The following DOCK3 variants were observed in gnomAD, a reference collection of about 807,000 sequenced individuals.
DOCK3 encodes the protein dedicator of cytokinesis 3, also known as dedicator of cytokinesis protein 3.
In DOCK3, 60 loss-of-function variants were observed where a neutral mutation model predicts 265.6. The observed-to-expected ratio is 0.23, with a 90% CI of 0.18 to 0.28. The LOEUF is 0.28. DOCK3 is among the 10% of genes least tolerant of loss of function. The pLI is 1.00. For missense variants in DOCK3, 1,981 were observed against 2,594.3 expected, an observed-to-expected ratio of 0.76 and a Z score of 5.14; for synonymous variants, 881 against 938.0, an observed-to-expected ratio of 0.94 and a Z score of 1.11.
chr3:51,317,265 C>CA lies in DOCK3; in HGVS notation c.3402+2149dup, dbSNP rs145412899. 3.7e-3 allele frequency among the ~76,000 whole-genome samples: 364 copies of CA among 98,956 alleles called. 2 individuals carry two copies. Among genetic ancestry groups the CA allele is most frequent in the South Asian group, 0.011 (33 of 3,134 alleles). 64.9% of individuals were successfully genotyped at this position (98,956 alleles called of 152,430 possible). On this transcript the variant is annotated intron_variant, in intron 32 of 52. Transcript: ENST00000266037. ...TCTGCCTTGGTCAAAAACCAATTGCCAAAAAAAAAAAAGAAAAACAAATGG... is the reference window on the plus strand; with the variant it reads ...TCTGCCTTGGTCAAAAACCAATTGCCAAAAAAAAAAAAAGAAAAACAAATGG...
intron 9 of DOCK3, among the ~76,000 whole-genome samples, chr3:51,120,285 C>T (rs985625526): frequency 2.0e-5 from 3 of 152,172 alleles, no homozygotes; most frequent in African/African-American, 7.2e-5. Context: ...GCCTGGGTAT[C>T]ACCAGTGGAG....
chr3:50,828,180 C>T (rs1011415703), intron 2 of DOCK3, among the ~76,000 whole-genome samples: 10 of 151,996 alleles, frequency 6.6e-5, no homozygotes, highest in East Asian at 1.9e-4. Context: ...CCACCCACCT[C>T]GGCCTCCCAA....
Position 51,112,398 on chromosome 3 carries a change from T to C in DOCK3, c.746+22014T>C, listed in dbSNP as rs548385011. 3.3e-5 allele frequency among the ~76,000 whole-genome samples: 5 copies of C among 152,342 alleles called. No individual in the cohort carries two copies. The East Asian group carries it at 7.7e-4, about 23-fold the overall frequency. On this transcript the variant is annotated intron_variant, in intron 9 of 52. Coordinates refer to ENST00000266037, the MANE Select transcript of DOCK3 (RefSeq NM_004947.5). Reference sequence around the variant, plus strand: ...TTCAAGAATAGGCAAACCTGAACTATAGTCATGGTTGGTAGTATTCACTAG... The same window carrying C: ...TTCAAGAATAGGCAAACCTGAACTACAGTCATGGTTGGTAGTATTCACTAG...
intron 10 of DOCK3, among the ~76,000 whole-genome samples, chr3:51,158,603 GAA>G (rs2085976215): frequency 6.6e-6 from 1 of 152,156 alleles, no homozygotes; most frequent in African/African-American, 2.4e-5. Flanking sequence ...CTTTGGTTTG[GAA>G]ATTTTCTGAT....
intron 7 of DOCK3, among the ~76,000 whole-genome samples, chr3:51,087,613 T>G (rs994331750): frequency 6.6e-6 from 1 of 152,176 alleles, no homozygotes; most frequent in Non-Finnish European, 1.5e-5. Context: ...TTCAACATAG[T>G]ACTTGAAGTC....
In DOCK3 at chr3:51,333,170, G is replaced by T. The variant is rs781137927; in HGVS notation, c.3528G>T (p.Lys1176Asn). 1 of 1,614,006 alleles carries T rather than the reference G, an allele frequency of 6.2e-7. No individual in the cohort carries two copies. Among genetic ancestry groups the T allele is most frequent in the Non-Finnish European group, 8.5e-7 (1 of 1,179,898 alleles). Residue 1176 changes from lysine to asparagine, a missense_variant, in exon 35 of 53, where the codon AAG becomes AAT. Lys to Asn is a moderately conservative substitution (Grantham distance 94, BLOSUM62 0). This residue lies in a region of DOCK3 where 1,357 missense variants were observed against 1,866.8 expected (regional missense o/e 0.73). Transcript: ENST00000266037. ...LFGPYPSLLE[K>N]VEQETWRETG... Reference sequence around the variant, plus strand: ...CCTCCACCAATAGCCTGCTGGAGAAGGTTGAACAAGAAACATGGCGCGAGA... The same window carrying T: ...CCTCCACCAATAGCCTGCTGGAGAATGTTGAACAAGAAACATGGCGCGAGA...
intron 2 of DOCK3, among the ~76,000 whole-genome samples, chr3:50,839,546 A>G (rs1046062031): frequency 1.3e-5 from 2 of 152,188 alleles, no homozygotes; most frequent in African/African-American, 4.8e-5. Context: ...TAAGGCATGC[A>G]GTAGTATCTC....
At chr3:51,279,281 G>T (rs1392194947) in intron 26 of DOCK3, among the ~76,000 whole-genome samples, 1 of 152,038 alleles carries the variant, frequency 6.6e-6, no homozygotes, top group Non-Finnish European at 1.5e-5. Context: ...TAATTTCAGA[G>T]ACCTAGAAAG....
chr3:51,252,343 A>G (rs1434250794), intron 22 of DOCK3, among the ~76,000 whole-genome samples: 4 of 152,184 alleles, frequency 2.6e-5, no homozygotes, highest in African/African-American at 4.8e-5. Flanking sequence ...TTGGCAATGC[A>G]GGCTCTTTCT....
At chr3:51,045,788 G>T (rs941480874) in intron 5 of DOCK3, among the ~76,000 whole-genome samples, 3 of 152,032 alleles carry the variant, frequency 2.0e-5, no homozygotes, top group African/African-American at 7.2e-5. Flanking sequence ...ATTGAAATTA[G>T]GGATTAATTT....
chr3:51,263,945 T>TATCC (rs2080009717), intron 23 of DOCK3, among the ~76,000 whole-genome samples: 1 of 152,128 alleles, frequency 6.6e-6, no homozygotes, highest in Non-Finnish European at 1.5e-5. Flanking sequence ...TAAAGAGACT[T>TATCC]AGACTCCCAC....
intron 4 of DOCK3, among the ~76,000 whole-genome samples, chr3:50,919,079 G>T (rs896304878): frequency 2.0e-5 from 3 of 152,016 alleles, no homozygotes; most frequent in Non-Finnish European, 2.9e-5. Flanking sequence ...GTAGATGTGT[G>T]GTATTATTTC....
intron 1 of DOCK3, among the ~76,000 whole-genome samples, chr3:50,761,999 C>T (rs938581540): frequency 6.6e-5 from 10 of 152,002 alleles, no homozygotes; most frequent in African/African-American, 1.7e-4. Context: ...AGCAAACTAT[C>T]GCAAGGACAG....
chr3:50,752,069 T>G (rs1379468004), intron 1 of DOCK3, among the ~76,000 whole-genome samples: 1 of 152,162 alleles, frequency 6.6e-6, no homozygotes. Context: ...ATCACCCCAG[T>G]ACCTGCAATG....
chr3:51,032,907 G>T lies in DOCK3; in HGVS notation c.316-31541G>T, dbSNP rs542555586. ...AGTCTGGATAACAGAGCAAGATCCT[G>T]TCTCAAAAATAAAATAAAAATATAA... On this transcript the variant is annotated intron_variant, in intron 5 of 52. Coordinates refer to ENST00000266037, the MANE Select transcript of DOCK3 (RefSeq NM_004947.5). Among the ~76,000 whole-genome samples, 3 of 152,192 alleles carry T rather than the reference G, an allele frequency of 2.0e-5. No homozygotes were observed. In the East Asian group the frequency reaches 5.8e-4, roughly 29 times the overall value.
At chr3:51,252,078 A>G (rs2079277903) in intron 22 of DOCK3, among the ~76,000 whole-genome samples, 1 of 152,194 alleles carries the variant, frequency 6.6e-6, no homozygotes, top group African/African-American at 2.4e-5. Flanking sequence ...CTTTCTACAT[A>G]TGGCTAGCCA....
Position 51,236,371 on chromosome 3 carries a change from C to G in DOCK3, c.1944C>G (p.Leu648=), listed in dbSNP as rs1053516770. The G allele has an allele frequency of 3.1e-6, 5 of 1,613,566 alleles. No homozygotes were observed. The highest frequency in any genetic ancestry group is 4.2e-6 in the Non-Finnish European group (5 of 1,179,666). The change falls in exon 20 of 53, where the codon CTC becomes CTG. Residue 648 remains leucine (L), a synonymous_variant. Coordinates refer to ENST00000266037, the MANE Select transcript of DOCK3 (RefSeq NM_004947.5). The part of the protein sequence containing the change: ...VKFLQDILDT[L]FVILDDNTEK... Reference sequence around the variant, plus strand: ...TTCTGCAGGACATCTTAGATACACTCTTTGTGATTTTGGATGATAATACAG... The same window carrying G: ...TTCTGCAGGACATCTTAGATACACTGTTTGTGATTTTGGATGATAATACAG...
chr3:51,064,107 A>G (rs922785147), intron 5 of DOCK3, among the ~76,000 whole-genome samples: 1 of 152,176 alleles, frequency 6.6e-6, no homozygotes, highest in African/African-American at 2.4e-5. Context: ...GTGAACTGCA[A>G]CTTCTGTGAG....
intron 12 of DOCK3, among the ~76,000 whole-genome samples, chr3:51,197,439 C>T (rs145131814): frequency 9.3e-4 from 141 of 152,170 alleles, no homozygotes; most frequent in Middle Eastern, 6.8e-3. Flanking sequence ...GAGTGATGTG[C>T]GTTGATGTTG....
Sources: allele counts gnomAD v4.1 joint callset (sites outside exome capture counted in the v4.1 genomes callset), GRCh38; gene constraint gnomAD v4.1.1; regional missense constraint gnomAD v4.1.1; transcripts MANE v1.5; gene names NCBI Gene and HGNC (gene_info 2026-07-23, HGNC 2026-07-21).